Variants in TDRP observed in about 807,000 individuals in gnomAD.
The protein encoded by TDRP is testis development-related protein.
Under a neutral mutation model 10.5 loss-of-function variants are expected in TDRP, and 12 were observed. That is an observed-to-expected ratio of 1.15 (90% confidence interval 0.73 to 1.86). TDRP has a LOEUF of 1.86. Ranked by LOEUF, TDRP falls within the 40% of genes most tolerant of loss-of-function variation. The pLI is 0.00. For synonymous variants in TDRP, 139 were observed against 95.4 expected (o/e 1.46, Z -2.67); for missense variants, 353 against 229.2 (o/e 1.54, Z -3.49).
At chr8:540,541 A>C (rs1052220557) in intron 1 of TDRP, among the ~76,000 whole-genome samples, 2 of 152,202 alleles carry the variant, frequency 1.3e-5, no homozygotes, top group African/African-American at 4.8e-5. Flanking sequence ...AAGTAACATT[A>C]GATTCATGAA....
chr8:525,041 G>A (rs1174119706), intron 1 of TDRP, among the ~76,000 whole-genome samples: 1 of 152,070 alleles, frequency 6.6e-6, no homozygotes, highest in African/African-American at 2.4e-5. Context: ...AAAGACCAAA[G>A]ATAAAGAAAG....
At chr8:533,315 G>A (rs1802257907) in intron 1 of TDRP, among the ~76,000 whole-genome samples, 1 of 152,120 alleles carries the variant, frequency 6.6e-6, no homozygotes, top group Non-Finnish European at 1.5e-5. Context: ...CAGCCTCATT[G>A]GGCTGCTCCC....
intron 1 of TDRP, among the ~76,000 whole-genome samples, chr8:542,283 A>G (rs2116885700): frequency 6.6e-6 from 1 of 152,268 alleles, no homozygotes; most frequent in East Asian, 1.9e-4. Context: ...CTAAGGCAGC[A>G]AAACTCCTGT....
rs181875094 is a variant in TDRP, at chr8:519,596, C to T, written c.109-24999G>A. On this transcript the variant is annotated intron_variant, in intron 1 of 2. Transcript: ENST00000324079. ...CCCCTCTCCCCCACCCTCAGCCCCT[C>T]GTGACCACCATTCTGCTTTCTCTAA... Among the ~76,000 whole-genome samples the T allele has an allele frequency of 3.6e-3, 543 of 152,250 alleles. 4 individuals are homozygous for T. The highest frequency in any genetic ancestry group is 0.012 in the African/African-American group (507 of 41,548).
At chr8:517,149 G>C (rs1801777545) in intron 1 of TDRP, among the ~76,000 whole-genome samples, 1 of 152,082 alleles carries the variant, frequency 6.6e-6, no homozygotes. Context: ...TTAAAACAGA[G>C]ACCTTAAGAC....
intron 1 of TDRP, among the ~76,000 whole-genome samples, chr8:535,417 G>A (rs1312497299): frequency 9.2e-5 from 14 of 152,076 alleles, no homozygotes; most frequent in Non-Finnish European, 5.9e-5. Flanking sequence ...AGCTAACGTG[G>A]GGTGAAGGAT....
intron 1 of TDRP, among the ~76,000 whole-genome samples, chr8:498,462 C>A (rs1482343769): frequency 6.6e-6 from 1 of 152,156 alleles, no homozygotes; most frequent in African/African-American, 2.4e-5. Flanking sequence ...GGTGCATTTA[C>A]CCAACGCCTG....
At chr8:533,388 C>G (rs1802260456) in intron 1 of TDRP, among the ~76,000 whole-genome samples, 1 of 152,146 alleles carries the variant, frequency 6.6e-6, no homozygotes, top group African/African-American at 2.4e-5. Flanking sequence ...CCTGACAACC[C>G]TAGCTCAAAA....
intron 1 of TDRP, among the ~76,000 whole-genome samples, chr8:534,015 C>A (rs1450485256): frequency 6.6e-6 from 1 of 152,118 alleles, no homozygotes; most frequent in Non-Finnish European, 1.5e-5. Context: ...TCAAAAGGCA[C>A]TGATTGTTGA....
At chr8:518,670 G>A (rs1801818098) in intron 1 of TDRP, among the ~76,000 whole-genome samples, 1 of 151,536 alleles carries the variant, frequency 6.6e-6, no homozygotes, top group Admixed American at 6.6e-5. Flanking sequence ...AGCCATAAAG[G>A]AACTAAAAGA....
At chr8:495,155 A>C (rs56207915) in intron 1 of TDRP, 47,463 of 153,574 alleles carry the variant, frequency 0.31, 8,039 homozygotes, top group African/African-American at 0.46. Flanking sequence ...ATCACTTGAG[A>C]CCCAGGAGGT....
At chr8:526,015 G>T (rs1201398912) in intron 1 of TDRP, among the ~76,000 whole-genome samples, 1 of 152,104 alleles carries the variant, frequency 6.6e-6, no homozygotes, top group Admixed American at 6.5e-5. Flanking sequence ...TTTCTTCATG[G>T]TTCAAACTTC....
At chr8:530,967 C>T (rs1324493712) in intron 1 of TDRP, among the ~76,000 whole-genome samples, 1 of 152,110 alleles carries the variant, frequency 6.6e-6, no homozygotes, top group Non-Finnish European at 1.5e-5. Flanking sequence ...ACTCTTTTTT[C>T]TCTGAAGCCC....
At chr8:523,606 C>A (rs1313499628) in intron 1 of TDRP, among the ~76,000 whole-genome samples, 1 of 152,182 alleles carries the variant, frequency 6.6e-6, no homozygotes, top group Non-Finnish European at 1.5e-5. Flanking sequence ...GCAGCATTCA[C>A]GAGCTGACTA....
intron 1 of TDRP, among the ~76,000 whole-genome samples, chr8:536,808 A>T: frequency 6.6e-6 from 1 of 152,296 alleles, no homozygotes; most frequent in African/African-American, 2.4e-5. Context: ...AGTTAAGAGG[A>T]GCCAGCTGAA....
intron 1 of TDRP, among the ~76,000 whole-genome samples, chr8:508,707 G>A (rs1801532748): frequency 6.6e-6 from 1 of 151,878 alleles, no homozygotes; most frequent in African/African-American, 2.4e-5. Context: ...TCCACCCCTG[G>A]CCCCTCCCAA....
intron 1 of TDRP, among the ~76,000 whole-genome samples, chr8:543,228 C>T (rs1212137817): frequency 3.3e-5 from 5 of 152,056 alleles, no homozygotes; most frequent in African/African-American, 1.2e-4. Flanking sequence ...AGGAGAATAG[C>T]TTGAGCCCAG....
chr8:529,779 T>A (rs1427203409), intron 1 of TDRP, among the ~76,000 whole-genome samples: 1 of 152,206 alleles, frequency 6.6e-6, no homozygotes, highest in Non-Finnish European at 1.5e-5. Context: ...AAGTTGCTTT[T>A]CTCTTTCTTC....
chr8:491,581 T>C lies in TDRP; in HGVS notation c.*818A>G. On this transcript the variant is annotated 3_prime_UTR_variant, in exon 3 of 3. Transcript: ENST00000324079. ...ATAAAAAAGAGGCACTTCAGTATTT[T>C]ATGCACAGTCTTAACTCTCTATAAT... The C allele has an allele frequency of 1.3e-6, 2 of 1,502,528 alleles. No individual in the cohort carries two copies. Among genetic ancestry groups the C allele is most frequent in the South Asian group, 1.3e-5 (1 of 76,606 alleles). 93.1% of individuals were successfully genotyped at this position (1,502,528 alleles called of 1,614,324 possible). A position where few individuals can be genotyped will look rare whatever the true frequency, so the allele number is the denominator to read the frequency against.
Sources: gnomAD v4.1 joint callset for allele counts (sites outside exome capture counted in the v4.1 genomes callset) on GRCh38, gnomAD v4.1.1 for gene constraint, MANE v1.5 for transcripts, NCBI Gene and HGNC (gene_info 2026-07-23, HGNC 2026-07-21) for gene names.